TACC1: variants seen among roughly 807,000 people sequenced by gnomAD.
TACC1 encodes transforming acidic coiled-coil-containing protein 1.
TACC1 carries 48 observed loss-of-function variants against 84.4 expected under a neutral mutation model. The ratio of observed to expected loss-of-function variants is 0.57; its 90% CI spans 0.45 to 0.72. The LOEUF (loss-of-function observed/expected upper bound fraction) is 0.72. Ranked by LOEUF, TACC1 falls within the 30% of genes least tolerant of loss-of-function variation. The probability of loss-of-function intolerance (pLI) is 0.00; values close to 1 mark genes in which losing one functional copy is unlikely to be tolerated. For synonymous variants in TACC1, 372 were observed against 376.3 expected, an observed-to-expected ratio of 0.99 and a Z score of 0.13; for missense variants, 920 against 973.0, an observed-to-expected ratio of 0.95 and a Z score of 0.72.
At chr8:38,767,822 T>C (rs576530527) in intron 3 of TACC1, among the ~76,000 whole-genome samples, 1 of 152,312 alleles carries the variant, frequency 6.6e-6, no homozygotes, top group East Asian at 1.9e-4. Context: ...CCCAACACTT[T>C]GGGAGTCTGA....
chr8:38,812,392 C>T (rs1563698946), intron 2 of TACC1, among the ~76,000 whole-genome samples: 1 of 152,106 alleles, frequency 6.6e-6, no homozygotes, highest in Non-Finnish European at 1.5e-5. Flanking sequence ...GATGTCACCC[C>T]CGGCGGCGGC....
chr8:38,826,536 G>A (rs1480599103), intron 4 of TACC1, among the ~76,000 whole-genome samples: 1 of 152,050 alleles, frequency 6.6e-6, no homozygotes, highest in Non-Finnish European at 1.5e-5. Flanking sequence ...AAAGAAAAAA[G>A]TTTCACAGAG....
chr8:38,751,269 T>C (rs886322591), intron 3 of TACC1, among the ~76,000 whole-genome samples: 1 of 152,192 alleles, frequency 6.6e-6, no homozygotes, highest in African/African-American at 2.4e-5. Flanking sequence ...GATGCACCAT[T>C]CAGCTCTCTA....
intron 3 of TACC1, among the ~76,000 whole-genome samples, chr8:38,771,766 T>C (rs1224153166): frequency 6.6e-6 from 1 of 152,206 alleles, no homozygotes; most frequent in East Asian, 1.9e-4. Context: ...GACAGGGCCT[T>C]GCTCTGTTGC....
At chr8:38,764,428 A>T (rs1271377052) in intron 3 of TACC1, among the ~76,000 whole-genome samples, 1 of 112,724 alleles carries the variant, frequency 8.9e-6, no homozygotes, top group African/African-American at 2.7e-5. Flanking sequence ...CAATTTGGTA[A>T]AAAAAAAAAA....
chr8:38,816,608 G>T (rs1825493764), intron 2 of TACC1, among the ~76,000 whole-genome samples: 1 of 152,080 alleles, frequency 6.6e-6, no homozygotes, highest in South Asian at 2.1e-4. Context: ...CAGAACTCAG[G>T]AAAATACTTA....
At chr8:38,731,737 A>AAACAACAACAAC (rs56770897) in intron 1 of TACC1, among the ~76,000 whole-genome samples, 4,206 of 133,118 alleles carry the variant, frequency 0.032, 54 homozygotes, top group Non-Finnish European at 0.041. Context: ...ATAAAACTGA[A>AAACAACAACAAC]AACAACAACA....
intron 3 of TACC1, among the ~76,000 whole-genome samples, chr8:38,764,972 G>A (rs1811948240): frequency 6.6e-6 from 1 of 152,006 alleles, no homozygotes; most frequent in African/African-American, 2.4e-5. Context: ...GGTGGCAGGA[G>A]CCTATAATCC....
intron 3 of TACC1, among the ~76,000 whole-genome samples, chr8:38,763,948 G>A (rs1359554359): frequency 6.6e-6 from 1 of 151,890 alleles, no homozygotes; most frequent in East Asian, 1.9e-4. Flanking sequence ...TCAATTACAG[G>A]GTCAAATAAT....
chr8:38,819,575 T>C lies in TACC1; in HGVS notation c.331T>C (p.Ser111Pro). The change falls in exon 3 of 13, where the codon TCT (serine) becomes CCT (proline). Residue 111 changes from serine (S) to proline (P), a missense_variant. By Grantham distance (74) the Ser-to-Pro change is moderately conservative (BLOSUM62 -1). Transcript: ENST00000317827. ...LVAEVVEKCS[S>P]KTCSKPSENE... ...AGCAGAAGTGGTTGAAAAATGTTCATCTAAGACTTGTTCTAAACCTTCAGA... is the reference window on the plus strand; with the variant it reads ...AGCAGAAGTGGTTGAAAAATGTTCACCTAAGACTTGTTCTAAACCTTCAGA... 6.2e-7 allele frequency: 1 copy of C among 1,614,228 alleles called. No homozygotes were observed. The highest frequency in any genetic ancestry group is 2.2e-5 in the East Asian group (1 of 44,890).
intron 2 of TACC1, among the ~76,000 whole-genome samples, chr8:38,799,211 G>C (rs1166232105): frequency 1.3e-5 from 2 of 152,226 alleles, no homozygotes; most frequent in Non-Finnish European, 2.9e-5. Context: ...AAAGGGCCAA[G>C]GGAAGAGCTA....
chr8:38,775,017 A>AAAAC (rs1814546403), intron 3 of TACC1, among the ~76,000 whole-genome samples: 1 of 152,024 alleles, frequency 6.6e-6, no homozygotes, highest in Non-Finnish European at 1.5e-5. Flanking sequence ...TCTCAAAAAA[A>AAAAC]AAAAAAAAAA....
At chr8:38,804,583 G>A (rs780669397) in intron 2 of TACC1, among the ~76,000 whole-genome samples, 2 of 152,166 alleles carry the variant, frequency 1.3e-5, no homozygotes, top group Non-Finnish European at 2.9e-5. Context: ...TTACAGGCGT[G>A]AGCCACTGTG....
rs1189553501 is a variant in TACC1 at position 38,742,290 on chromosome 8, GT to G, written c.-674-60del. 6 of 684,224 alleles carry G rather than the reference GT, an allele frequency of 8.8e-6. No individual in the cohort carries two copies. In the East Asian group the frequency reaches 1.9e-4, roughly 22 times the overall value. The allele number at this position is 684,224 out of a possible 1,614,324, so 42.4% of individuals were successfully genotyped here. The stretch of plus-strand genomic sequence containing the variant: ...GCCTTAGGCAAAAGGTTGGAAACTT[GT>G]GCTGGAAACTTACCTTATGATTAAG... On this transcript the variant is annotated intron_variant, in intron 1 of 14. Coordinates refer to the TACC1 transcript ENST00000518415.
At chr8:38,762,715 C>G (rs573608467) in intron 3 of TACC1, among the ~76,000 whole-genome samples, 1 of 152,248 alleles carries the variant, frequency 6.6e-6, no homozygotes, top group African/African-American at 2.4e-5. Context: ...CGTCACCAGG[C>G]CCGGCTAAAT....
At chr8:38,769,282 A>T (rs539835996) in intron 3 of TACC1, among the ~76,000 whole-genome samples, 1 of 86,334 alleles carries the variant, frequency 1.2e-5, no homozygotes, top group South Asian at 4.3e-4. Flanking sequence ...TGTAGTGTGT[A>T]TATGTGTATG....
At chr8:38,823,474 C>T (rs1827324314) in intron 3 of TACC1, among the ~76,000 whole-genome samples, 1 of 152,140 alleles carries the variant, frequency 6.6e-6, no homozygotes, top group African/African-American at 2.4e-5. Flanking sequence ...GAGTTGCATG[C>T]AACCAATGCA....
intron 3 of TACC1, chr8:38,824,655 C>T (rs1827625835): frequency 1.3e-5 from 2 of 152,566 alleles, no homozygotes; most frequent in African/African-American, 4.8e-5. Flanking sequence ...GTCCTGTGAT[C>T]ACAAGTTGTG....
chr8:38,807,709 A>G (rs1411858309), intron 2 of TACC1, among the ~76,000 whole-genome samples: 1 of 152,224 alleles, frequency 6.6e-6, no homozygotes, highest in East Asian at 1.9e-4. Flanking sequence ...ATATTTTGTG[A>G]TAACATTTCC....
Sources: allele counts gnomAD v4.1 joint callset (sites outside exome capture counted in the v4.1 genomes callset), GRCh38; gene constraint gnomAD v4.1.1; transcripts MANE v1.5; gene names NCBI Gene and HGNC (gene_info 2026-07-23, HGNC 2026-07-21).